TFEC: variants seen among roughly 807,000 people sequenced by gnomAD.
The protein encoded by TFEC is class E basic helix-loop-helix protein 34.
In TFEC, 31 loss-of-function variants were observed where a neutral mutation model predicts 41.6. The observed-to-expected ratio is 0.74, with a 90% CI of 0.56 to 1.01. The LOEUF (loss-of-function observed/expected upper bound fraction) is 1.01, where lower values mean the gene tolerates loss of function less well. Among genes scored for constraint, TFEC ranks in the 50% least tolerant of loss-of-function variants. TFEC has a pLI of 0.00. For missense variants in TFEC, 402 were observed against 404.1 expected, an observed-to-expected ratio of 0.99 and a Z score of 0.04; for synonymous variants, 143 against 140.6, an observed-to-expected ratio of 1.02 and a Z score of -0.12.
At chr7:116,027,131 T>C (rs747238359) in intron 1 of TFEC, among the ~76,000 whole-genome samples, 6 of 152,180 alleles carry the variant, frequency 3.9e-5, no homozygotes, top group Non-Finnish European at 8.8e-5. Flanking sequence ...TGAGAAGTTC[T>C]CTGCAGACAT....
chr7:115,954,068 A>G (rs2130389127), intron 5 of TFEC, among the ~76,000 whole-genome samples: 1 of 152,114 alleles, frequency 6.6e-6, no homozygotes, highest in Middle Eastern at 3.4e-3. Context: ...TCCATCTCAT[A>G]TGACCTGTTA....
chr7:115,984,554 G>T (rs1440092463), intron 1 of TFEC, 41 bp from the exon 2 acceptor site: 4 of 1,592,292 alleles, frequency 2.5e-6, no homozygotes, highest in Non-Finnish European at 3.4e-6. Context: ...TGCAGCATCA[G>T]CTGTGAAATT....
chr7:116,055,998 T>C (rs184649348), intron 3 of TFEC, among the ~76,000 whole-genome samples: 10 of 152,170 alleles, frequency 6.6e-5, no homozygotes, highest in Admixed American at 5.9e-4. Flanking sequence ...CTCACTAAAA[T>C]CATTGTTTAA....
chr7:116,142,049 A>T (rs953448326), intron 1 of TFEC, among the ~76,000 whole-genome samples: 4 of 152,166 alleles, frequency 2.6e-5, no homozygotes, highest in African/African-American at 9.7e-5. Context: ...CATTTAGGTT[A>T]AGCAAGAGAA....
intron 1 of TFEC, chr7:116,112,188 C>G (rs1326988186): frequency 9.4e-6 from 2 of 212,090 alleles, no homozygotes; most frequent in Non-Finnish European, 1.6e-5. Context: ...ACAGGACATA[C>G]AATAGGAGCA....
chr7:116,004,377 C>T (rs1794709385), intron 1 of TFEC, among the ~76,000 whole-genome samples: 1 of 152,124 alleles, frequency 6.6e-6, no homozygotes, highest in African/African-American at 2.4e-5. Context: ...ATGAGGAATA[C>T]ATATCCTTAT....
chr7:116,139,518 T>C (rs950291095), intron 1 of TFEC, among the ~76,000 whole-genome samples: 63 of 152,212 alleles, frequency 4.1e-4, no homozygotes, highest in Admixed American at 3.9e-4. Flanking sequence ...TTATTATTTA[T>C]TGAGTGTGCC....
chr7:116,079,002 C>A (rs1797026184), intron 3 of TFEC, among the ~76,000 whole-genome samples: 3 of 152,062 alleles, frequency 2.0e-5, no homozygotes, highest in African/African-American at 4.8e-5. Context: ...GGTTTCATAC[C>A]AGGGATGCAG....
At chr7:116,073,384 G>A (rs1796876266) in intron 3 of TFEC, among the ~76,000 whole-genome samples, 1 of 151,710 alleles carries the variant, frequency 6.6e-6, no homozygotes, top group African/African-American at 2.4e-5. Context: ...TAACTCTGTT[G>A]AGATTTCATG....
chr7:116,070,489 T>C (rs1167383217), intron 3 of TFEC, among the ~76,000 whole-genome samples: 1 of 151,500 alleles, frequency 6.6e-6, no homozygotes, highest in Non-Finnish European at 1.5e-5. Context: ...AATGCCTTAG[T>C]ATTTTGGTAC....
At chr7:115,987,688 C>A (rs1011742708) in intron 1 of TFEC, among the ~76,000 whole-genome samples, 12 of 152,074 alleles carry the variant, frequency 7.9e-5, no homozygotes, top group African/African-American at 2.9e-4. Context: ...TGCTCAACTG[C>A]TATGCTTCTT....
chr7:115,971,479 T>C (rs1324479314), intron 3 of TFEC, among the ~76,000 whole-genome samples: 2 of 152,016 alleles, frequency 1.3e-5, no homozygotes, highest in African/African-American at 2.4e-5. Context: ...TTTCTTTTGT[T>C]TTTCCTCACT....
At chr7:115,954,445 C>T in intron 5 of TFEC, 141 bp downstream of exon 5, 2 of 533,562 alleles carry the variant, frequency 3.7e-6, no homozygotes, top group East Asian at 3.4e-5. Flanking sequence ...TTAATATTTC[C>T]CAAAATAAAT....
chr7:115,973,239 T>C (rs1793215661), intron 3 of TFEC, among the ~76,000 whole-genome samples: 2 of 151,942 alleles, frequency 1.3e-5, no homozygotes, highest in Non-Finnish European at 2.9e-5. Context: ...TCTCATTAGA[T>C]AGTCTACTTA....
intron 1 of TFEC, among the ~76,000 whole-genome samples, chr7:116,022,346 G>A (rs553188509): frequency 1.9e-4 from 29 of 152,214 alleles, no homozygotes; most frequent in Admixed American, 5.9e-4. Flanking sequence ...TTTCACAAAT[G>A]ACAACCTTGA....
chr7:116,041,500 A>C (rs190564617), intron 3 of TFEC, among the ~76,000 whole-genome samples: 6 of 152,326 alleles, frequency 3.9e-5, no homozygotes, highest in Admixed American at 2.0e-4. Flanking sequence ...CAGAAATTTC[A>C]AGGTTAGAAA....
chr7:116,116,647 G>A (rs1476403282), intron 1 of TFEC, among the ~76,000 whole-genome samples: 1 of 151,914 alleles, frequency 6.6e-6, no homozygotes, highest in Admixed American at 6.6e-5. Flanking sequence ...CACAGTGCCT[G>A]TAAGGCCCCT....
intron 1 of TFEC, among the ~76,000 whole-genome samples, chr7:116,152,742 A>G (rs1331855719): frequency 6.6e-6 from 1 of 152,198 alleles, no homozygotes; most frequent in African/African-American, 2.4e-5. Context: ...GAAAGGATAA[A>G]TATGTTTCTG....
At chr7:116,136,569 C>A (rs139699800) in intron 1 of TFEC, among the ~76,000 whole-genome samples, 23 of 151,962 alleles carry the variant, frequency 1.5e-4, no homozygotes, top group African/African-American at 5.3e-4. Context: ...GTAAACATTT[C>A]ACTATTAATA....
Sources: gnomAD v4.1 joint callset for allele counts (sites outside exome capture counted in the v4.1 genomes callset) on GRCh38, gnomAD v4.1.1 for gene constraint, MANE v1.5 for transcripts, NCBI Gene and HGNC (gene_info 2026-07-23, HGNC 2026-07-21) for gene names.